NKAIN2: variants seen among roughly 807,000 people sequenced by gnomAD.
NKAIN2 encodes the protein sodium/potassium transporting ATPase interacting 2.
A neutral mutation model predicts 32.6 loss-of-function variants in NKAIN2; 14 were observed. That is an observed-to-expected ratio of 0.43 (90% CI 0.28 to 0.67). The LOEUF is 0.67. Among genes scored for constraint, NKAIN2 ranks in the 30% least tolerant of loss-of-function variants. The probability of loss-of-function intolerance (pLI) is 0.17; values close to 1 mark genes in which losing one functional copy is unlikely to be tolerated. For synonymous variants in NKAIN2, 80 were observed against 87.2 expected (o/e 0.92, Z 0.46); for missense variants, 198 against 258.3 (o/e 0.77, Z 1.60).
chr6:124,659,344 G>C (rs1049489223), intron 4 of NKAIN2, among the ~76,000 whole-genome samples: 2 of 151,674 alleles, frequency 1.3e-5, no homozygotes, highest in Admixed American at 1.3e-4. Context: ...CACAGTTCTT[G>C]GATAACAATA....
At chr6:124,816,429 G>GGAT (rs1268047621) in intron 5 of NKAIN2, among the ~76,000 whole-genome samples, 4 of 152,010 alleles carry the variant, frequency 2.6e-5, no homozygotes, top group Non-Finnish European at 5.9e-5. Context: ...TATGGACTTT[G>GGAT]GATGATGATG....
chr6:123,894,089 A>G (rs1321785004), intron 1 of NKAIN2, among the ~76,000 whole-genome samples: 1 of 152,156 alleles, frequency 6.6e-6, no homozygotes, highest in Admixed American at 6.6e-5. Context: ...GTTTAAATGT[A>G]GACATATAAC....
chr6:123,867,166 G>A (rs1772571836), intron 1 of NKAIN2, among the ~76,000 whole-genome samples: 1 of 152,000 alleles, frequency 6.6e-6, no homozygotes, highest in African/African-American at 2.4e-5. Flanking sequence ...CTTGACATTA[G>A]GTATCTCTCA....
At chr6:123,832,128 A>G (rs895932374) in intron 1 of NKAIN2, among the ~76,000 whole-genome samples, 1 of 152,064 alleles carries the variant, frequency 6.6e-6, no homozygotes, top group African/African-American at 2.4e-5. Context: ...TGCTCCATCC[A>G]TTCATCTCTG....
At chr6:123,941,296 G>T (rs1345479444) in intron 1 of NKAIN2, among the ~76,000 whole-genome samples, 1 of 151,600 alleles carries the variant, frequency 6.6e-6, no homozygotes, top group African/African-American at 2.4e-5. Context: ...ATTAGTGGAA[G>T]GGGTACACTC....
chr6:123,867,811 G>C (rs913911511), intron 1 of NKAIN2, among the ~76,000 whole-genome samples: 2 of 151,002 alleles, frequency 1.3e-5, no homozygotes, highest in Non-Finnish European at 2.9e-5. Flanking sequence ...TGAAATGAAA[G>C]CTTTTATGAT....
chr6:124,211,262 T>TA (rs1482639288), intron 1 of NKAIN2, among the ~76,000 whole-genome samples: 2 of 151,850 alleles, frequency 1.3e-5, no homozygotes, highest in Non-Finnish European at 2.9e-5. Flanking sequence ...AGATTATATT[T>TA]AAAAAAGACT....
intron 3 of NKAIN2, among the ~76,000 whole-genome samples, chr6:124,629,930 G>T (rs544317427): frequency 5.3e-5 from 8 of 152,158 alleles, no homozygotes; most frequent in African/African-American, 1.9e-4. Context: ...TTCTATGCTG[G>T]TGTGCACTTG....
chr6:123,862,809 T>A (rs1283455892), intron 1 of NKAIN2, among the ~76,000 whole-genome samples: 1 of 152,220 alleles, frequency 6.6e-6, no homozygotes, highest in Non-Finnish European at 1.5e-5. Context: ...CCTTCTCTTA[T>A]GGCATATATC....
intron 4 of NKAIN2, among the ~76,000 whole-genome samples, chr6:124,755,805 A>G (rs1317470271): frequency 1.3e-5 from 2 of 152,156 alleles, no homozygotes; most frequent in Non-Finnish European, 2.9e-5. Flanking sequence ...CTGTATGACA[A>G]ACTCCCATGA....
At position 124,149,506 on chromosome 6, in the gene NKAIN2, C is replaced by A. The variant is rs376463877; in HGVS notation, c.55-133499C>A. Among the ~76,000 whole-genome samples, 184 of 152,242 alleles carry A rather than the reference C, an allele frequency of 1.2e-3. 1 individual carries two copies. The highest frequency in any genetic ancestry group is 4.3e-3 in the African/African-American group (180 of 41,548). On this transcript the variant is annotated intron_variant, in intron 1 of 6. Transcript: ENST00000368417. ...AACTGCATTTATTTGCATATAGATA[C>A]CCAGCTGTTCGAGAACCATTTGTTA...
intron 5 of NKAIN2, among the ~76,000 whole-genome samples, chr6:124,801,279 T>C (rs1015101689): frequency 1.3e-5 from 2 of 152,218 alleles, no homozygotes; most frequent in African/African-American, 4.8e-5. Flanking sequence ...TTTGTGGATT[T>C]GCTCATTTTA....
intron 1 of NKAIN2, among the ~76,000 whole-genome samples, chr6:123,943,884 G>A (rs1161034361): frequency 1.3e-5 from 2 of 151,990 alleles, no homozygotes; most frequent in Non-Finnish European, 1.5e-5. Context: ...TTGTAATAAT[G>A]TTAAAAACCA....
At chr6:124,172,064 G>A (rs59508026) in intron 1 of NKAIN2, among the ~76,000 whole-genome samples, 9,353 of 152,056 alleles carry the variant, frequency 0.062, 970 homozygotes, top group African/African-American at 0.22. Context: ...CGTCCGCCTC[G>A]GCCTCCCAAA....
At chr6:124,321,938 A>G (rs1025870857) in intron 2 of NKAIN2, among the ~76,000 whole-genome samples, 1 of 152,210 alleles carries the variant, frequency 6.6e-6, no homozygotes, top group African/African-American at 2.4e-5. Flanking sequence ...TAGGAATACC[A>G]TAAGTACATT....
chr6:124,719,319 T>C lies in NKAIN2; in HGVS notation c.474+60933T>C, dbSNP rs532527107. ...AGGGAATGTTTCTTTTCTTTTTTTT[T>C]CTGACTATGGTACATTAAGTCCCTA... is the stretch of plus-strand genomic sequence containing the variant. On this transcript the variant is annotated intron_variant, in intron 4 of 6. Coordinates refer to ENST00000368417, the MANE Select transcript of NKAIN2 (RefSeq NM_001040214.3). Among the ~76,000 whole-genome samples the C allele has an allele frequency of 4.6e-4, 70 of 152,262 alleles. 1 individual carries two copies. The highest frequency in any genetic ancestry group is 1.5e-3 in the African/African-American group (63 of 41,554).
chr6:123,837,855 T>C (rs1582624352), intron 1 of NKAIN2, among the ~76,000 whole-genome samples: 1 of 152,320 alleles, frequency 6.6e-6, no homozygotes, highest in East Asian at 1.9e-4. Context: ...GAAAATTACC[T>C]TTCAATATAT....
chr6:124,138,256 G>A (rs913643321), intron 1 of NKAIN2, among the ~76,000 whole-genome samples: 2 of 152,100 alleles, frequency 1.3e-5, no homozygotes, highest in Non-Finnish European at 2.9e-5. Flanking sequence ...CTAATTATCA[G>A]GGAAATGAAA....
chr6:123,838,005 G>C (rs1395350931), intron 1 of NKAIN2, among the ~76,000 whole-genome samples: 1 of 152,086 alleles, frequency 6.6e-6, no homozygotes, highest in African/African-American at 2.4e-5. Flanking sequence ...TTGGTAGTAG[G>C]ATCTTGCAGA....
Sources: allele counts gnomAD v4.1 joint callset (sites outside exome capture counted in the v4.1 genomes callset), GRCh38; gene constraint gnomAD v4.1.1; transcripts MANE v1.5; gene names NCBI Gene and HGNC (gene_info 2026-07-23, HGNC 2026-07-21).